Variants in ATXN10 observed in about 807,000 individuals in gnomAD.
ATXN10 encodes ataxin-10.
Under a neutral mutation model 52.9 loss-of-function variants are expected in ATXN10, and 28 were observed. The observed-to-expected ratio is 0.53, with a 90% confidence interval of 0.39 to 0.73. ATXN10 has a LOEUF of 0.73. ATXN10 is among the 30% of genes least tolerant of loss of function. The pLI is 0.00. For synonymous variants in ATXN10, 226 were observed against 221.5 expected (o/e 1.02, Z -0.18); for missense variants, 565 against 577.0 (o/e 0.98, Z 0.21).
intron 10 of ATXN10, among the ~76,000 whole-genome samples, chr22:45,821,702 G>C (rs1402228023): frequency 6.6e-6 from 1 of 152,016 alleles, no homozygotes; most frequent in Non-Finnish European, 1.5e-5. Flanking sequence ...TGACATTTAG[G>C]GGCTGTATTT....
At chr22:45,679,288 G>C (rs1280103079) in intron 1 of ATXN10, 2 of 152,116 alleles carry the variant, frequency 1.3e-5, no homozygotes, top group African/African-American at 4.8e-5. Flanking sequence ...TTGAACACCT[G>C]ATTTTCTTGA....
At chr22:45,829,161 A>G (rs2146907889) in intron 10 of ATXN10, among the ~76,000 whole-genome samples, 1 of 152,334 alleles carries the variant, frequency 6.6e-6, no homozygotes, top group African/African-American at 2.4e-5. Flanking sequence ...AGCATTTGAC[A>G]AAATTCAACA....
chr22:45,758,238 T>G (rs185972013), intron 9 of ATXN10, among the ~76,000 whole-genome samples: 1 of 152,270 alleles, frequency 6.6e-6, no homozygotes, highest in East Asian at 1.9e-4. Context: ...CCTGCAGGGT[T>G]GTTTGGAGTT....
Position 45,823,448 on chromosome 22 carries a change from G to A in ATXN10, c.1237+16426G>A, listed in dbSNP as rs183632475. Among the ~76,000 whole-genome samples the A allele has an allele frequency of 9.9e-5, 15 of 151,938 alleles. No individual in the cohort carries two copies. The East Asian group carries it at 1.5e-3, about 16-fold the overall frequency. On this transcript the variant is annotated intron_variant, in intron 10 of 11. Transcript: ENST00000252934. The surrounding 1 kb of genome is among the most constrained non-coding windows in gnomAD (Gnocchi z 4.9). ...ATTCTGTCTTTTTTTAATTTCCCCT[G>A]CGATTATGCAGTTGTTTCCGTTTCA...
At chr22:45,821,367 A>C (rs1392615076) in intron 10 of ATXN10, among the ~76,000 whole-genome samples, 5 of 150,860 alleles carry the variant, frequency 3.3e-5, no homozygotes, top group African/African-American at 9.7e-5. Context: ...AAAAAAAAAA[A>C]CGAACCTAGC....
chr22:45,782,544 G>A (rs979696793), intron 9 of ATXN10, among the ~76,000 whole-genome samples: 2 of 152,188 alleles, frequency 1.3e-5, no homozygotes, highest in African/African-American at 4.8e-5. Flanking sequence ...TGACTCCATT[G>A]ATCCAAAATC....
chr22:45,820,397 A>G lies in ATXN10; in HGVS notation c.1237+13375A>G, dbSNP rs970876010. Among the ~76,000 whole-genome samples the G allele has an allele frequency of 6.6e-6, 1 of 152,160 alleles. No homozygotes were observed. Among genetic ancestry groups the G allele is most frequent in the Non-Finnish European group, 1.5e-5 (1 of 68,032 alleles). Reference sequence around the variant, plus strand: ...TGGCCTACTCAGAGGCTCTGACCCAACCTGCACATCTCTCATTTGTGTTTC... The same window carrying G: ...TGGCCTACTCAGAGGCTCTGACCCAGCCTGCACATCTCTCATTTGTGTTTC... On this transcript the variant is annotated intron_variant, in intron 10 of 11. Coordinates refer to ENST00000252934, the MANE Select transcript of ATXN10 (RefSeq NM_013236.4). The surrounding 1 kb of genome is among the most constrained non-coding windows in gnomAD (Gnocchi z 4.9).
chr22:45,681,417 C>T lies in ATXN10; in HGVS notation c.117-8295C>T, dbSNP rs1413975360. 1.3e-5 allele frequency among the ~76,000 whole-genome samples: 2 copies of T among 152,196 alleles called. No individual in the cohort carries two copies. Among genetic ancestry groups the T allele is most frequent in the Admixed American group, 6.5e-5 (1 of 15,284 alleles). ...TTGCTTCATCAAGTCTTTAACCTCA[C>T]CAGGACCTACAGTCTTTTGACCCTA... On this transcript the variant is annotated intron_variant, in intron 1 of 11. Transcript: ENST00000252934. The surrounding 1 kb of genome is among the most constrained non-coding windows in gnomAD (Gnocchi z 4.2).
intron 10 of ATXN10, among the ~76,000 whole-genome samples, chr22:45,813,337 T>G (rs1009805882): frequency 2.0e-5 from 3 of 151,908 alleles, no homozygotes; most frequent in Non-Finnish European, 2.9e-5. Flanking sequence ...GGGTTTGTTT[T>G]TTTTTTTTCA....
chr22:45,692,964 A>G (rs1569025042), intron 2 of ATXN10, 32 bp from the exon 3 acceptor site: 5 of 1,567,056 alleles, frequency 3.2e-6, no homozygotes, highest in Non-Finnish European at 4.4e-6. Context: ...ATGAATGAAC[A>G]TGTCTAATTT....
At chr22:45,764,104 A>G (rs1041884513) in intron 9 of ATXN10, among the ~76,000 whole-genome samples, 1 of 152,092 alleles carries the variant, frequency 6.6e-6, no homozygotes, top group African/African-American at 2.4e-5. Context: ...ACTCATCTTC[A>G]ATACTGCAGC....
rs193261592 is a variant in ATXN10, at chr22:45,780,382, C to T, written c.1174-26577C>T. On this transcript the variant is annotated intron_variant, in intron 9 of 11. Coordinates refer to ENST00000252934, the MANE Select transcript of ATXN10 (RefSeq NM_013236.4). This position sits in a 1 kb window ranked among gnomAD's most constrained non-coding sequence, Gnocchi z 4.0. ...TACAGGCATGAGCCACTGTGCCCGT[C>T]GGACTGTTTGCTCTCATGAGAGCAG... Among the ~76,000 whole-genome samples, 11 of 152,206 alleles carry T rather than the reference C, an allele frequency of 7.2e-5. No homozygotes were observed. Among genetic ancestry groups the T allele is most frequent in the Non-Finnish European group, 1.5e-4 (10 of 68,026 alleles).
chr22:45,692,725 G>A (rs1352652944), intron 2 of ATXN10, among the ~76,000 whole-genome samples: 2 of 152,166 alleles, frequency 1.3e-5, no homozygotes, highest in African/African-American at 2.4e-5. Flanking sequence ...TGCATGGAAT[G>A]GGGTAAAATA....
At chr22:45,801,635 A>G (rs1351825934) in intron 9 of ATXN10, among the ~76,000 whole-genome samples, 1 of 152,238 alleles carries the variant, frequency 6.6e-6, no homozygotes, top group African/African-American at 2.4e-5. Context: ...CAAGAACAAC[A>G]TTACACTAAC....
At chr22:45,778,954 A>G (rs1601640696) in intron 9 of ATXN10, among the ~76,000 whole-genome samples, 1 of 152,222 alleles carries the variant, frequency 6.6e-6, no homozygotes, top group South Asian at 2.1e-4. Context: ...GATACAGAGT[A>G]TCAGAGGATC....
At chr22:45,722,865 A>G (rs1479563292) in intron 6 of ATXN10, among the ~76,000 whole-genome samples, 2 of 151,872 alleles carry the variant, frequency 1.3e-5, no homozygotes, top group African/African-American at 4.8e-5. Context: ...GTTGTAATCC[A>G]TCTGTTTTCT....
At position 45,842,912 on chromosome 22, in the gene ATXN10, C is replaced by T; in HGVS notation, c.1238-79C>T. On this transcript the variant is annotated intron_variant, in intron 10 of 11. Coordinates refer to ENST00000252934, the MANE Select transcript of ATXN10 (RefSeq NM_013236.4). This position sits in a 1 kb window ranked among gnomAD's most constrained non-coding sequence, Gnocchi z 4.8. The stretch of plus-strand genomic sequence containing the variant: ...GGATGTTCCGTGTTTCTGTGCTCCT[C>T]TACTCCTTTTCTGATAATTCTTATG... The T allele has an allele frequency of 1.3e-6, 2 of 1,481,966 alleles. No individual in the cohort carries two copies. The highest frequency in any genetic ancestry group is 1.9e-6 in the Non-Finnish European group (2 of 1,061,514). 91.8% of individuals were successfully genotyped at this position (1,481,966 alleles called of 1,614,324 possible).
At chr22:45,751,739 GGA>G (rs1491102158) in intron 9 of ATXN10, among the ~76,000 whole-genome samples, 1,744 of 14,058 alleles carry the variant, frequency 0.12, 16 homozygotes, top group Middle Eastern at 0.27. Context: ...ACCTTTTTCT[GGA>G]AAAAAAAAAA....
At chr22:45,755,058 G>A (rs1926124937) in intron 9 of ATXN10, among the ~76,000 whole-genome samples, 1 of 152,320 alleles carries the variant, frequency 6.6e-6, no homozygotes, top group East Asian at 1.9e-4. Context: ...GGCAGGGCAT[G>A]GGGAAGGAGT....
Sources: gnomAD v4.1 joint callset for allele counts (sites outside exome capture counted in the v4.1 genomes callset) on GRCh38, gnomAD v4.1.1 for gene constraint, Gnocchi (gnomAD v3.1) non-coding constraint, MANE v1.5 for transcripts, NCBI Gene and HGNC (gene_info 2026-07-23, HGNC 2026-07-21) for gene names.